The following SULT1E1 variants were observed in gnomAD, a reference collection of about 807,000 sequenced individuals.
SULT1E1 encodes the protein sulfotransferase family 1E member 1.
SULT1E1 carries 36 observed loss-of-function variants against 33.6 expected under a neutral mutation model. The ratio of observed to expected loss-of-function variants is 1.07; its 90% confidence interval spans 0.82 to 1.41. The LOEUF is 1.41. Ranked by LOEUF, SULT1E1 falls within the 40% of genes most tolerant of loss-of-function variation. SULT1E1 has a pLI of 0.00. For missense variants in SULT1E1, 371 were observed against 345.7 expected, an observed-to-expected ratio of 1.07 and a Z score of -0.58; for synonymous variants, 121 against 111.7, an observed-to-expected ratio of 1.08 and a Z score of -0.53.
chr4:69,857,484 C>G lies in SULT1E1; in HGVS notation c.145+16G>C. On this transcript the variant is annotated intron_variant, in intron 2 of 7. Transcript: ENST00000226444. ...TTGTTATTTTTAGGTGAAAAAAGAA[C>G]AACAAAGAGATTTACCAGATTTAGG... 6.3e-7 allele frequency: 1 copy of G among 1,582,948 alleles called. No homozygotes were observed. The highest frequency in any genetic ancestry group is 8.5e-7 in the Non-Finnish European group (1 of 1,170,756).
intron 3 of SULT1E1, 49 bp downstream of exon 3, chr4:69,855,252 A>G (rs372058435): frequency 6.4e-7 from 1 of 1,571,500 alleles, no homozygotes; most frequent in African/African-American, 1.4e-5. Flanking sequence ...ATGTACATAC[A>G]CACCTTAGAA....
rs181450741 is a variant in SULT1E1, at chr4:69,842,058, T to G, written c.821A>C (p.Lys274Thr). The change falls in exon 8 of 8, where the codon AAA (lysine) becomes ACA (threonine). Residue 274 changes from lysine (K) to threonine (T), a missense_variant. Coordinates refer to ENST00000226444, the MANE Select transcript of SULT1E1 (RefSeq NM_005420.3). ...TTGCTGCTCATAATGTTTATCAAAT[T>G]TTTCATTCAGGGCTACTGTAAAGTG... ...KNHFTVALNE[K>T]FDKHYEQQMK... is the part of the protein sequence containing the mutation. The G allele has an allele frequency of 4.3e-6, 7 of 1,612,186 alleles. No homozygotes were observed. In the African/African-American group the frequency reaches 8.0e-5, roughly 18 times the overall value.
chr4:69,826,084 C>A, the SULT1E1 span, among the ~76,000 whole-genome samples: 2 of 152,234 alleles, frequency 1.3e-5, no homozygotes, highest in African/African-American at 4.8e-5. Flanking sequence ...AAAAGCTATT[C>A]CTGAAGCTAG....
intron 6 of SULT1E1, among the ~76,000 whole-genome samples, chr4:69,845,585 G>A (rs1020234650): frequency 6.6e-6 from 1 of 151,316 alleles, no homozygotes; most frequent in African/African-American, 2.4e-5. Flanking sequence ...ACAGACATAT[G>A]TGTATATATA....
Position 69,854,212 on chromosome 4 carries a change from GT to G in SULT1E1, c.369+4del. The G allele has an allele frequency of 1.2e-6, 2 of 1,608,196 alleles. No individual in the cohort carries two copies. Among genetic ancestry groups the G allele is most frequent in the Non-Finnish European group, 1.7e-6 (2 of 1,175,954 alleles). On this transcript the variant is annotated splice_donor_region_variant and intron_variant, in intron 4 of 7. Coordinates refer to ENST00000226444, the MANE Select transcript of SULT1E1 (RefSeq NM_005420.3). ...GAAGTTTTGAGAACACTTGACTCTG[GT>G]TACCTTACAATCCTTTTCCCAAAAT... is the stretch of plus-strand genomic sequence containing the variant.
chr4:69,827,664 G>C, the SULT1E1 span, among the ~76,000 whole-genome samples: 4 of 152,116 alleles, frequency 2.6e-5, no homozygotes, highest in Admixed American at 6.6e-5. Context: ...CCTGGGCCCT[G>C]AACAAAATCT....
chr4:69,825,771 T>G, the SULT1E1 span, among the ~76,000 whole-genome samples: 1 of 152,082 alleles, frequency 6.6e-6, no homozygotes, highest in East Asian at 1.9e-4. Context: ...GTCGCCTAAG[T>G]GAGACTCGCC....
intron 3 of SULT1E1, among the ~76,000 whole-genome samples, chr4:69,854,933 C>T (rs1464188778): frequency 6.6e-6 from 1 of 151,962 alleles, no homozygotes; most frequent in East Asian, 1.9e-4. Flanking sequence ...TTCCAATTTT[C>T]CACAATATTA....
rs761463404 is a variant in SULT1E1, at chr4:69,842,759, A to C, written c.773-653T>G. On this transcript the variant is annotated intron_variant, in intron 7 of 7. Transcript: ENST00000226444. ...AGTGTTTCTCATCTGGGTAATTATAATAGTCCAGCAGGCTTTTCCTGTTTT... is the reference window on the plus strand; with the variant it reads ...AGTGTTTCTCATCTGGGTAATTATACTAGTCCAGCAGGCTTTTCCTGTTTT... Among the ~76,000 whole-genome samples the C allele has an allele frequency of 7.8e-4, 119 of 152,094 alleles. 2 individuals carry two copies. The highest frequency in any genetic ancestry group is 1.3e-3 in the Non-Finnish European group (86 of 68,028).
At chr4:69,833,288 T>C in the SULT1E1 span, among the ~76,000 whole-genome samples, 1 of 152,212 alleles carries the variant, frequency 6.6e-6, no homozygotes, top group African/African-American at 2.4e-5. Context: ...TGTGGCTGCA[T>C]GGTGTACACT....
intron 2 of SULT1E1, among the ~76,000 whole-genome samples, chr4:69,855,951 A>G (rs1187434237): frequency 6.6e-6 from 1 of 152,230 alleles, no homozygotes; most frequent in Non-Finnish European, 1.5e-5. Flanking sequence ...AGGGATTTAA[A>G]TAACTGCAAA....
chr4:69,842,970 G>T (rs1016345150), intron 7 of SULT1E1, among the ~76,000 whole-genome samples: 6 of 151,880 alleles, frequency 4.0e-5, no homozygotes, highest in African/African-American at 1.5e-4. Context: ...CCGAGTAGCT[G>T]GGACTACAGG....
intron 2 of SULT1E1, 151 bp downstream of exon 2, chr4:69,857,349 G>T (rs1465258219): frequency 3.2e-6 from 3 of 938,134 alleles, no homozygotes; most frequent in East Asian, 2.8e-5. Flanking sequence ...TGTGGTCATG[G>T]AATAGAGCTA....
intron 3 of SULT1E1, among the ~76,000 whole-genome samples, chr4:69,855,002 T>C (rs1419733610): frequency 1.3e-5 from 2 of 152,072 alleles, no homozygotes; most frequent in Non-Finnish European, 2.9e-5. Flanking sequence ...TGGGTATTTT[T>C]CTCCATATTT....
chr4:69,822,090 C>T, the SULT1E1 span, among the ~76,000 whole-genome samples: 1 of 152,152 alleles, frequency 6.6e-6, no homozygotes. Flanking sequence ...AAAGAACAAA[C>T]ATTTATACAT....
downstream of SULT1E1, among the ~76,000 whole-genome samples, chr4:69,840,579 T>C (rs2110063834): frequency 6.6e-6 from 1 of 152,304 alleles, no homozygotes; most frequent in Admixed American, 6.5e-5. Flanking sequence ...AATATTTACA[T>C]TTGTTGGATT....
At chr4:69,831,583 T>C in the SULT1E1 span, among the ~76,000 whole-genome samples, 1 of 152,110 alleles carries the variant, frequency 6.6e-6, no homozygotes, top group Non-Finnish European at 1.5e-5. Context: ...AATTCCATAA[T>C]CCCCTGAAAA....
downstream of SULT1E1, among the ~76,000 whole-genome samples, chr4:69,837,006 C>A (rs1369132666): frequency 1.3e-5 from 2 of 151,786 alleles, no homozygotes; most frequent in African/African-American, 4.8e-5. Context: ...TGAAATAAGC[C>A]CAGGAGTTTG....
chr4:69,848,972 T>C (rs906406894), intron 5 of SULT1E1, among the ~76,000 whole-genome samples: 1 of 151,964 alleles, frequency 6.6e-6, no homozygotes, highest in African/African-American at 2.4e-5. Context: ...AGGAAGAGTT[T>C]TGTAGATAGT....
Sources: gnomAD v4.1 joint callset for allele counts (sites outside exome capture counted in the v4.1 genomes callset) on GRCh38, gnomAD v4.1.1 for gene constraint, MANE v1.5 for transcripts, NCBI Gene and HGNC (gene_info 2026-07-23, HGNC 2026-07-21) for gene names.